Variants in CREB5 observed in about 807,000 individuals in gnomAD.
CREB5 encodes cAMP responsive element binding protein 5, also known as cyclic AMP-responsive element-binding protein 5.
A neutral mutation model predicts 57.1 loss-of-function variants in CREB5; 19 were observed. The observed-to-expected ratio is 0.33, with a 90% CI of 0.23 to 0.49. CREB5 has a LOEUF of 0.49. Ranked by LOEUF, CREB5 falls within the 20% of genes least tolerant of loss-of-function variation. CREB5 has a pLI of 0.99. For missense variants in CREB5, 579 were observed against 671.6 expected (o/e 0.86, Z 1.52); for synonymous variants, 238 against 238.3 (o/e 1.00, Z 0.01).
chr7:28,803,109 G>A (rs1808468487), intron 7 of CREB5, among the ~76,000 whole-genome samples: 1 of 152,170 alleles, frequency 6.6e-6, no homozygotes, highest in South Asian at 2.1e-4. Flanking sequence ...AGTTATTTGT[G>A]TGCATGTCTG....
intron 1 of CREB5, among the ~76,000 whole-genome samples, chr7:28,426,155 T>C (rs572006109): frequency 6.6e-6 from 1 of 152,348 alleles, no homozygotes; most frequent in South Asian, 2.1e-4. Context: ...GAGTCTTTAG[T>C]GAGACTCCTC....
chr7:28,496,511 A>G (rs1792057044), intron 3 of CREB5, among the ~76,000 whole-genome samples: 1 of 152,202 alleles, frequency 6.6e-6, no homozygotes, highest in African/African-American at 2.4e-5. Context: ...GGAAGGGCAC[A>G]GGTGATGGAG....
At chr7:28,580,463 A>ACACACACAC (rs1554347479) in intron 5 of CREB5, among the ~76,000 whole-genome samples, 14 of 146,760 alleles carry the variant, frequency 9.5e-5, no homozygotes, top group South Asian at 4.5e-4. Context: ...ACACACACAC[A>ACACACACAC]ATAGATAGCT....
intron 1 of CREB5, among the ~76,000 whole-genome samples, chr7:28,451,450 C>CTGTGTG (rs6150047): frequency 5.8e-4 from 85 of 147,022 alleles, no homozygotes; most frequent in African/African-American, 1.5e-3. Context: ...CTTTGCCAAA[C>CTGTGTG]TGTGTGTGTG....
intron 5 of CREB5, among the ~76,000 whole-genome samples, chr7:28,606,394 G>T (rs1024324468): frequency 1.3e-5 from 2 of 152,128 alleles, no homozygotes; most frequent in African/African-American, 4.8e-5. Context: ...TACCTGATGA[G>T]TTACCCCCAC....
At chr7:28,539,401 T>C (rs1192126736) in intron 4 of CREB5, among the ~76,000 whole-genome samples, 1 of 152,202 alleles carries the variant, frequency 6.6e-6, no homozygotes, top group Non-Finnish European at 1.5e-5. Flanking sequence ...CACTTAAGTA[T>C]CACAGAATTT....
rs73306996 is a variant in CREB5 at position 28,752,111 on chromosome 7, G to C, written c.702+27779G>C. 7.3e-3 allele frequency among the ~76,000 whole-genome samples: 1,108 copies of C among 152,314 alleles called. 14 individuals are homozygous for C. The highest frequency in any genetic ancestry group is 0.025 in the African/African-American group (1,058 of 41,574). On this transcript the variant is annotated intron_variant, in intron 7 of 10. Coordinates refer to ENST00000357727, the MANE Select transcript of CREB5 (RefSeq NM_182898.4). The stretch of plus-strand genomic sequence containing the variant: ...CTGGTGATATTAACCCTGATCACCT[G>C]TTTAAGGTGGGATGTTCCAGTGTTC...
At chr7:28,544,855 A>G (rs1311969479) in intron 4 of CREB5, among the ~76,000 whole-genome samples, 1 of 152,224 alleles carries the variant, frequency 6.6e-6, no homozygotes, top group Non-Finnish European at 1.5e-5. Flanking sequence ...GGAAAGATCC[A>G]TTAATCCAGT....
intron 1 of CREB5, among the ~76,000 whole-genome samples, chr7:28,305,281 C>A (rs144445928): frequency 1.3e-5 from 2 of 152,286 alleles, no homozygotes; most frequent in African/African-American, 4.8e-5. Flanking sequence ...CATCTCCAGT[C>A]TTTACAGTAT....
chr7:28,722,157 A>G (rs1803065868), intron 6 of CREB5, among the ~76,000 whole-genome samples: 1 of 152,256 alleles, frequency 6.6e-6, no homozygotes, highest in Non-Finnish European at 1.5e-5. Flanking sequence ...CATTTTGTGA[A>G]TCACAGGTTA....
At chr7:28,480,248 T>C (rs1444345532) in intron 1 of CREB5, among the ~76,000 whole-genome samples, 3 of 152,208 alleles carry the variant, frequency 2.0e-5, no homozygotes, top group Non-Finnish European at 4.4e-5. Flanking sequence ...AATTTTACTG[T>C]AGTAGGGCAC....
intron 4 of CREB5, among the ~76,000 whole-genome samples, chr7:28,562,185 A>G (rs1260283264): frequency 6.6e-6 from 1 of 152,188 alleles, no homozygotes; most frequent in African/African-American, 2.4e-5. Context: ...AACCCATATG[A>G]TTATATTTAG....
intron 4 of CREB5, among the ~76,000 whole-genome samples, chr7:28,561,424 A>G (rs1795267222): frequency 6.6e-6 from 1 of 152,212 alleles, no homozygotes; most frequent in African/African-American, 2.4e-5. Context: ...GATAGTAATG[A>G]TGATGAGAAT....
At chr7:28,472,724 G>A (rs1194071453) in intron 1 of CREB5, among the ~76,000 whole-genome samples, 7 of 152,140 alleles carry the variant, frequency 4.6e-5, no homozygotes, top group East Asian at 3.8e-4. Flanking sequence ...GGACCCTCAC[G>A]TTTCACTTGG....
At chr7:28,522,390 G>GTTTTTTTTTTTTTTTTTTTTTTTTT (rs11291433) in intron 4 of CREB5, among the ~76,000 whole-genome samples, 1 of 97,604 alleles carries the variant, frequency 1.0e-5, no homozygotes. Context: ...CCTGCTCTTT[G>GTTTTTTTTTTTTTTTTTTTTTTTTT]TTTTTTTTTT....
chr7:28,691,993 AC>A (rs1239730589), intron 5 of CREB5, among the ~76,000 whole-genome samples: 1 of 131,216 alleles, frequency 7.6e-6, no homozygotes, highest in Non-Finnish European at 1.6e-5. Flanking sequence ...ACACGGTGAA[AC>A]CCCCTCTCTA....
intron 5 of CREB5, among the ~76,000 whole-genome samples, chr7:28,658,653 C>G (rs761058705): frequency 2.0e-5 from 3 of 152,134 alleles, no homozygotes; most frequent in African/African-American, 4.8e-5. Flanking sequence ...GGCCCACAAG[C>G]AGCTCATGGT....
intron 4 of CREB5, among the ~76,000 whole-genome samples, chr7:28,525,595 G>GA (rs543828345): frequency 2.7e-4 from 41 of 151,736 alleles, no homozygotes; most frequent in African/African-American, 9.2e-4. Context: ...TGAGCATTTT[G>GA]AAAAAAAATG....
At chr7:28,532,491 A>G (rs76694502) in intron 4 of CREB5, among the ~76,000 whole-genome samples, 42 of 152,342 alleles carry the variant, frequency 2.8e-4, no homozygotes, top group African/African-American at 9.4e-4. Context: ...ACCCTGGAAA[A>G]GCAAATCTGC....
Sources: gnomAD v4.1 joint callset for allele counts (sites outside exome capture counted in the v4.1 genomes callset) on GRCh38, gnomAD v4.1.1 for gene constraint, MANE v1.5 for transcripts, NCBI Gene and HGNC (gene_info 2026-07-23, HGNC 2026-07-21) for gene names.